NREP: variants seen among roughly 807,000 people sequenced by gnomAD.
The protein encoded by NREP is neuronal regeneration related protein.
NREP carries 5 observed loss-of-function variants against 8.6 expected under a neutral mutation model. That is an observed-to-expected ratio of 0.58 (90% CI 0.30 to 1.22). The LOEUF (loss-of-function observed/expected upper bound fraction) is 1.22. Ranked by LOEUF, NREP falls within the 50% of genes most tolerant of loss-of-function variation. The probability of loss-of-function intolerance (pLI) is 0.07; values close to 1 mark genes in which losing one functional copy is unlikely to be tolerated. For synonymous variants in NREP, 27 were observed against 28.0 expected, an observed-to-expected ratio of 0.96 and a Z score of 0.11; for missense variants, 86 against 82.5, an observed-to-expected ratio of 1.04 and a Z score of -0.17.
chr5:111,813,469 C>A (rs1170406594), intron 2 of NREP, among the ~76,000 whole-genome samples: 1 of 152,090 alleles, frequency 6.6e-6, no homozygotes, highest in Non-Finnish European at 1.5e-5. Flanking sequence ...TATATTCTAA[C>A]ATGCTTGTAT....
intron 2 of NREP, among the ~76,000 whole-genome samples, chr5:111,901,209 A>G (rs1452879461): frequency 6.6e-6 from 1 of 152,170 alleles, no homozygotes; most frequent in African/African-American, 2.4e-5. Flanking sequence ...TGGTTTGCAC[A>G]TTATAAATGA....
chr5:111,812,925 A>G (rs1752302214), intron 2 of NREP, among the ~76,000 whole-genome samples: 2 of 152,218 alleles, frequency 1.3e-5, no homozygotes, highest in African/African-American at 2.4e-5. Flanking sequence ...AAAGATTTCC[A>G]TTATTAAGTA....
chr5:111,904,584 G>C (rs7712346), intron 2 of NREP, among the ~76,000 whole-genome samples: 59,001 of 151,780 alleles, frequency 0.39, 14,199 homozygotes, highest in Non-Finnish European at 0.55. Context: ...TTTGTGGCTT[G>C]ATAGTTCAAT....
At chr5:111,974,053 GTT>G (rs34999014) in intron 2 of NREP, among the ~76,000 whole-genome samples, 86,466 of 151,750 alleles carry the variant, frequency 0.57, 25,137 homozygotes, top group Non-Finnish European at 0.62. Context: ...GACTGCAAGA[GTT>G]TATACACAAG....
At chr5:111,954,227 G>C (rs543865087) in intron 2 of NREP, among the ~76,000 whole-genome samples, 1 of 152,204 alleles carries the variant, frequency 6.6e-6, no homozygotes, top group East Asian at 1.9e-4. Context: ...AGGTGAAAGA[G>C]GGATTTTATA....
At chr5:111,952,322 G>C (rs1756184658) in intron 2 of NREP, among the ~76,000 whole-genome samples, 2 of 152,150 alleles carry the variant, frequency 1.3e-5, no homozygotes, top group South Asian at 2.1e-4. Context: ...GGATTCATCT[G>C]TGCCTTTGGA....
At chr5:111,912,306 C>T (rs1754935154) in intron 2 of NREP, among the ~76,000 whole-genome samples, 1 of 152,022 alleles carries the variant, frequency 6.6e-6, no homozygotes, top group Non-Finnish European at 1.5e-5. Context: ...GAGCTAGGGT[C>T]TGCCCTGCTA....
At chr5:111,764,565 T>C (rs1408618769) in intron 2 of NREP, among the ~76,000 whole-genome samples, 1 of 152,102 alleles carries the variant, frequency 6.6e-6, no homozygotes, top group Non-Finnish European at 1.5e-5. Context: ...TGGGAAATAC[T>C]TGCCCCCATG....
intron 2 of NREP, among the ~76,000 whole-genome samples, chr5:111,854,982 C>G (rs1581167530): frequency 6.6e-6 from 1 of 152,036 alleles, no homozygotes; most frequent in African/African-American, 2.4e-5. Flanking sequence ...ATTCATCTAC[C>G]TCCCTACCAA....
intron 2 of NREP, among the ~76,000 whole-genome samples, chr5:111,794,217 G>A (rs866042175): frequency 6.6e-6 from 1 of 152,206 alleles, no homozygotes; most frequent in Non-Finnish European, 1.5e-5. Flanking sequence ...ATTCATTGCT[G>A]TTCAGAATGC....
At chr5:111,792,990 G>A (rs1010671114) in intron 2 of NREP, among the ~76,000 whole-genome samples, 1 of 152,060 alleles carries the variant, frequency 6.6e-6, no homozygotes, top group Non-Finnish European at 1.5e-5. Flanking sequence ...CTATGCAAAG[G>A]ATACAGATGG....
At chr5:111,734,275 A>T (rs1748892665) in intron 3 of NREP, 1 of 155,146 alleles carries the variant, frequency 6.4e-6, no homozygotes, top group African/African-American at 2.4e-5. Context: ...TTATGCCCTG[A>T]TCTGGCACAG....
chr5:111,745,215 C>T (rs1749926764), intron 2 of NREP, among the ~76,000 whole-genome samples: 1 of 152,116 alleles, frequency 6.6e-6, no homozygotes, highest in African/African-American at 2.4e-5. Flanking sequence ...TCTGTGTTAG[C>T]TACTATTATC....
chr5:111,958,342 A>G (rs1326829951), intron 2 of NREP, among the ~76,000 whole-genome samples: 1 of 151,960 alleles, frequency 6.6e-6, no homozygotes, highest in Admixed American at 6.6e-5. Context: ...TAATGCAATA[A>G]GAGAAACAAA....
At chr5:111,885,549 T>C (rs1754220140) in intron 2 of NREP, among the ~76,000 whole-genome samples, 1 of 152,172 alleles carries the variant, frequency 6.6e-6, no homozygotes, top group Non-Finnish European at 1.5e-5. Context: ...GCTGGAGGCA[T>C]CACGCTACCT....
chr5:111,774,953 C>A (rs1194120445), intron 2 of NREP, among the ~76,000 whole-genome samples: 2 of 152,128 alleles, frequency 1.3e-5, no homozygotes, highest in Non-Finnish European at 2.9e-5. Context: ...TAATAAATGT[C>A]CCTGGCTGCA....
chr5:111,755,983 A>G, intron 1 of NREP, 153 bp from the exon 2 acceptor site: 2 of 1,428,226 alleles, frequency 1.4e-6, no homozygotes, highest in Non-Finnish European at 1.8e-6. Context: ...TTTCTGAAAG[A>G]GCTTTCCAAG....
chr5:111,843,768 C>T (rs1174798388), intron 2 of NREP, among the ~76,000 whole-genome samples: 1 of 152,122 alleles, frequency 6.6e-6, no homozygotes, highest in African/African-American at 2.4e-5. Context: ...GTGGGGTCTA[C>T]AGGCAACCAT....
In NREP at chr5:111,755,022, T is replaced by A. The variant is rs185159511; in HGVS notation, c.3+748A>T. On this transcript the variant is annotated intron_variant, in intron 2 of 3. Transcript: ENST00000257435. ...AAAAAGTTTTATGATATTTCTATTA[T>A]TTTTTTTAGTTCATCTTATTTCCAA... Among the ~76,000 whole-genome samples the A allele has an allele frequency of 2.6e-3, 387 of 150,888 alleles. 3 individuals are homozygous for A. Among genetic ancestry groups the A allele is most frequent in the African/African-American group, 8.9e-3 (359 of 40,310 alleles).
Sources: allele counts gnomAD v4.1 joint callset (sites outside exome capture counted in the v4.1 genomes callset), GRCh38; gene constraint gnomAD v4.1.1; transcripts MANE v1.5; gene names NCBI Gene and HGNC (gene_info 2026-07-23, HGNC 2026-07-21).